The following SLC39A11 variants were observed in gnomAD, a reference collection of about 807,000 sequenced individuals.
SLC39A11 encodes zinc transporter ZIP11.
In SLC39A11, 33 loss-of-function variants were observed where a neutral mutation model predicts 36.1. The ratio of observed to expected loss-of-function variants is 0.91; its 90% confidence interval spans 0.69 to 1.22. SLC39A11 has a LOEUF of 1.22. Ranked by LOEUF, SLC39A11 falls within the 50% of genes most tolerant of loss-of-function variation. SLC39A11 has a pLI of 0.00. For missense variants in SLC39A11, 432 were observed against 430.3 expected, an observed-to-expected ratio of 1.00 and a Z score of -0.03; for synonymous variants, 166 against 170.3, an observed-to-expected ratio of 0.97 and a Z score of 0.20.
At chr17:72,738,896 G>C (rs968420034) in intron 6 of SLC39A11, among the ~76,000 whole-genome samples, 7 of 152,234 alleles carry the variant, frequency 4.6e-5, no homozygotes, top group Admixed American at 1.3e-4. Context: ...CTGACTCCAG[G>C]AGACACCTGG....
intron 5 of SLC39A11, 44 bp from the exon 6 acceptor site, chr17:72,849,848 T>A: frequency 6.7e-7 from 1 of 1,482,910 alleles, no homozygotes. Context: ...AAGACAGCGC[T>A]TTGAACATGT....
chr17:73,023,263 G>A (rs1351966010), intron 4 of SLC39A11, among the ~76,000 whole-genome samples: 2 of 151,504 alleles, frequency 1.3e-5, no homozygotes, highest in African/African-American at 4.8e-5. Flanking sequence ...GCTGAATTGT[G>A]CCCCCCAAAA....
intron 4 of SLC39A11, among the ~76,000 whole-genome samples, chr17:72,962,600 G>A (rs112702403): frequency 0.041 from 6,253 of 151,976 alleles, 157 homozygotes; most frequent in Non-Finnish European, 0.063. Flanking sequence ...ACAGTGGCCC[G>A]ACCTTGGCTC....
chr17:73,015,223 G>A (rs1014611699), intron 4 of SLC39A11, among the ~76,000 whole-genome samples: 17 of 152,054 alleles, frequency 1.1e-4, no homozygotes, highest in African/African-American at 3.9e-4. Context: ...TCTTCTAAAT[G>A]TCTCTCAAAC....
chr17:72,860,188 T>C (rs1030471853), intron 5 of SLC39A11, among the ~76,000 whole-genome samples: 47 of 152,054 alleles, frequency 3.1e-4, no homozygotes, highest in African/African-American at 1.1e-3. Flanking sequence ...TGCACAACGA[T>C]GGGTGCCCTT....
At chr17:72,852,674 A>G (rs1936333641) in intron 5 of SLC39A11, among the ~76,000 whole-genome samples, 1 of 152,226 alleles carries the variant, frequency 6.6e-6, no homozygotes, top group African/African-American at 2.4e-5. Flanking sequence ...ATGTATGCAC[A>G]TGTGTGCACT....
intron 4 of SLC39A11, among the ~76,000 whole-genome samples, chr17:72,959,345 ATATATATATATATATATATATG>A (rs2086463525): frequency 7.4e-6 from 1 of 134,740 alleles, no homozygotes; most frequent in Non-Finnish European, 1.6e-5. Context: ...ATATATATAT[ATATATATATATATATATATATG>A]ATCGAATACT....
At chr17:72,992,536 G>A (rs1187391413) in intron 4 of SLC39A11, among the ~76,000 whole-genome samples, 2 of 152,030 alleles carry the variant, frequency 1.3e-5, no homozygotes, top group Non-Finnish European at 2.9e-5. Flanking sequence ...ATTGATTTGT[G>A]GAAGACCTTT....
At chr17:72,955,428 G>C (rs538954512) in intron 4 of SLC39A11, among the ~76,000 whole-genome samples, 1 of 149,344 alleles carries the variant, frequency 6.7e-6, no homozygotes, top group Non-Finnish European at 1.5e-5. Flanking sequence ...TCAGCCTCTC[G>C]AGTAGTTGGG....
chr17:72,671,262 T>C (rs1192150498), intron 7 of SLC39A11, among the ~76,000 whole-genome samples: 12 of 152,208 alleles, frequency 7.9e-5, no homozygotes, highest in Non-Finnish European at 1.6e-4. Context: ...GTAGCTTATG[T>C]GAACTTCTCC....
At chr17:72,775,506 C>T (rs1027201532) in intron 6 of SLC39A11, among the ~76,000 whole-genome samples, 2 of 152,102 alleles carry the variant, frequency 1.3e-5, no homozygotes, top group African/African-American at 2.4e-5. Flanking sequence ...AGTAGAAAGC[C>T]GAGCTAACAA....
At chr17:72,761,316 T>C (rs1224792271) in intron 6 of SLC39A11, among the ~76,000 whole-genome samples, 2 of 152,132 alleles carry the variant, frequency 1.3e-5, no homozygotes, top group African/African-American at 2.4e-5. Context: ...ATTTTCACCA[T>C]GTTGGCAAAG....
rs2075327416 is a variant in SLC39A11 at position 72,755,265 on chromosome 17, GA to G, written c.602-18547del. On this transcript the variant is annotated intron_variant, in intron 6 of 9. Coordinates refer to ENST00000255559, the MANE Select transcript of SLC39A11 (RefSeq NM_139177.4). Reference sequence around the variant, plus strand: ...AAACCTTTGCAAGTAAAGTGCTAGTGAAGACATGGATCAAAGTCAGATTGCA... The same window carrying G: ...AAACCTTTGCAAGTAAAGTGCTAGTGAGACATGGATCAAAGTCAGATTGCA... 2.0e-5 allele frequency among the ~76,000 whole-genome samples: 3 copies of G among 152,268 alleles called. 1 individual carries two copies. The South Asian group carries it at 6.2e-4, about 31-fold the overall frequency.
chr17:72,893,928 GC>G lies in SLC39A11; in HGVS notation c.431-44125del, dbSNP rs551290724. On this transcript the variant is annotated intron_variant, in intron 5 of 9. Transcript: ENST00000255559. ...TTCCTCGATGTCTGCTATATACCAG[GC>G]CCTGTTTGTACTAAGTGCTAGGGAT... 2.0e-5 allele frequency among the ~76,000 whole-genome samples: 3 copies of G among 152,222 alleles called. No individual in the cohort carries two copies. In the South Asian group the frequency reaches 6.2e-4, roughly 32 times the overall value.
intron 6 of SLC39A11, among the ~76,000 whole-genome samples, chr17:72,812,360 G>A (rs954607703): frequency 6.6e-6 from 1 of 152,124 alleles, no homozygotes; most frequent in Admixed American, 6.6e-5. Context: ...TGAAATCAGA[G>A]CAACAATAAA....
chr17:72,663,435 C>T (rs1385089789), intron 7 of SLC39A11, among the ~76,000 whole-genome samples: 3 of 152,228 alleles, frequency 2.0e-5, no homozygotes, highest in African/African-American at 7.2e-5. Flanking sequence ...ATGAAACCCA[C>T]ATCCCGATCA....
intron 6 of SLC39A11, among the ~76,000 whole-genome samples, chr17:72,835,282 T>G (rs139075824): frequency 1.3e-5 from 2 of 152,190 alleles, no homozygotes; most frequent in Admixed American, 6.5e-5. Context: ...CTGTTGGAGA[T>G]GAAAATTAAA....
At chr17:73,047,980 A>AAAAAAAAAT (rs1192013878) in intron 3 of SLC39A11, among the ~76,000 whole-genome samples, 1 of 53,028 alleles carries the variant, frequency 1.9e-5, no homozygotes, top group African/African-American at 6.2e-5. Context: ...AAAAAAAAAA[A>AAAAAAAAAT]AAAAAAAAAA....
At chr17:72,708,595 A>C (rs1177314602) in intron 7 of SLC39A11, among the ~76,000 whole-genome samples, 1 of 152,134 alleles carries the variant, frequency 6.6e-6, no homozygotes, top group Admixed American at 6.6e-5. Flanking sequence ...AATATCGGGG[A>C]TGGTCTCAGG....
Sources: gnomAD v4.1 joint callset for allele counts (sites outside exome capture counted in the v4.1 genomes callset) on GRCh38, gnomAD v4.1.1 for gene constraint, MANE v1.5 for transcripts, NCBI Gene and HGNC (gene_info 2026-07-23, HGNC 2026-07-21) for gene names.